The following GTF2H1 variants were observed in gnomAD, a reference collection of about 807,000 sequenced individuals.
GTF2H1 encodes the protein general transcription factor IIH subunit 1.
In GTF2H1, 16 loss-of-function variants were observed where a neutral mutation model predicts 71.2. That is an observed-to-expected ratio of 0.22 (90% CI 0.15 to 0.34). GTF2H1 has a LOEUF of 0.34. Ranked by LOEUF, GTF2H1 falls within the 10% of genes least tolerant of loss-of-function variation. The pLI is 1.00. For synonymous variants in GTF2H1, 215 were observed against 219.0 expected (o/e 0.98, Z 0.16); for missense variants, 498 against 648.2 (o/e 0.77, Z 2.52).
chr11:18,324,486 G>A (rs146076303), intron 1 of GTF2H1, among the ~76,000 whole-genome samples: 55 of 152,326 alleles, frequency 3.6e-4, no homozygotes, highest in African/African-American at 1.2e-3. Flanking sequence ...CTTCCTGTGT[G>A]TACTGCCCTC....
In GTF2H1 at chr11:18,360,718, A is replaced by G; in HGVS notation, c.1560+11A>G. 7.0e-7 allele frequency: 1 copy of G among 1,431,186 alleles called. No individual in the cohort carries two copies. Among genetic ancestry groups the G allele is most frequent in the African/African-American group, 1.5e-5 (1 of 68,778 alleles). 88.7% of individuals were successfully genotyped at this position (1,431,186 alleles called of 1,614,324 possible). A position where few individuals can be genotyped will look rare whatever the true frequency, so the allele number is the denominator to read the frequency against. ...TATTTAAGCACAAATGTAAGGCAGCAATCTGATTTTTGCCTGATCTTCTTT... is the reference window on the plus strand; with the variant it reads ...TATTTAAGCACAAATGTAAGGCAGCGATCTGATTTTTGCCTGATCTTCTTT... On this transcript the variant is annotated intron_variant, in intron 14 of 14. Transcript: ENST00000265963.
In GTF2H1 at chr11:18,347,635, A is replaced by T; in HGVS notation, c.885A>T (p.Ile295=). The change falls in exon 8 of 15, where the codon ATA becomes ATT. Residue 295 remains isoleucine (I), a synonymous_variant. Transcript: ENST00000265963. ...CATCTGCTTCCAATTCTAAATCCAT[A>T]AAAGAGAATAGTAATGCTGCCATCA... ...SVPSASNSKS[I]KENSNAAIIK... 6.2e-7 allele frequency: 1 copy of T among 1,610,958 alleles called. No homozygotes were observed. The highest frequency in any genetic ancestry group is 8.5e-7 in the Non-Finnish European group (1 of 1,177,094).
rs1411431678 is a variant in GTF2H1, at chr11:18,351,939, C to A, written c.1112C>A (p.Thr371Lys). The change falls in exon 10 of 15, where the codon ACG becomes AAG. Residue 371 changes from threonine to lysine, a missense_variant. By Grantham distance (78) the Thr-to-Lys change is moderately conservative. Coordinates refer to ENST00000265963, the MANE Select transcript of GTF2H1 (RefSeq NM_005316.4). The stretch of plus-strand genomic sequence containing the variant: ...TTGGGGAAAAATAATTCTGTAAAAA[C>A]GATTGCACTAAACCTCAAGAAGTCA... Reference protein sequence around the residue: ...EDLGKNNSVKTIALNLKKSDR... With the variant: ...EDLGKNNSVKKIALNLKKSDR... The A allele has an allele frequency of 1.3e-6, 2 of 1,597,256 alleles. No homozygotes were observed. The highest frequency in any genetic ancestry group is 1.1e-5 in the South Asian group (1 of 90,750).
At chr11:18,352,301 T>A in intron 10 of GTF2H1, 28 bp from the exon 11 acceptor site, 1 of 950,192 alleles carries the variant, frequency 1.1e-6, no homozygotes. Context: ...TGTGTGTGAT[T>A]AGTAATTTCT....
At chr11:18,344,631 A>G (rs1208362693) in intron 7 of GTF2H1, among the ~76,000 whole-genome samples, 1 of 151,916 alleles carries the variant, frequency 6.6e-6, no homozygotes, top group Admixed American at 6.6e-5. Context: ...AAAAAAAAAA[A>G]AAAAAGGATT....
chr11:18,360,673 A>G lies in GTF2H1; in HGVS notation c.1526A>G (p.Gln509Arg). ...CAAGTTACGAAGCTCTGTCCATTCC[A>G]AGAAAAGATTCGGAGACAGTATTTA... ...RFQVTKLCPF[Q>R]EKIRRQYLST... is the part of the protein sequence containing the mutation. Residue 509 changes from glutamine to arginine, a missense_variant, in exon 14 of 15, where the codon CAA becomes CGA. This residue lies in a region of GTF2H1 where 266 missense variants were observed against 301.6 expected (regional missense o/e 0.88). Coordinates refer to ENST00000265963, the MANE Select transcript of GTF2H1 (RefSeq NM_005316.4). 2.5e-6 allele frequency: 4 copies of G among 1,574,280 alleles called. No homozygotes were observed. The highest frequency in any genetic ancestry group is 3.4e-6 in the Non-Finnish European group (4 of 1,164,030).
intron 14 of GTF2H1, among the ~76,000 whole-genome samples, chr11:18,364,911 G>GCA (rs1396204453): frequency 6.6e-6 from 1 of 152,022 alleles, no homozygotes; most frequent in Non-Finnish European, 1.5e-5. Context: ...AGGAGAATAA[G>GCA]GCATTTTTCC....
intron 2 of GTF2H1, among the ~76,000 whole-genome samples, chr11:18,335,168 T>C (rs1864994636): frequency 6.6e-6 from 1 of 152,240 alleles, no homozygotes; most frequent in Non-Finnish European, 1.5e-5. Flanking sequence ...TTAAACATTT[T>C]GTGCAAGAGT....
chr11:18,350,266 T>C (rs1006663684), intron 9 of GTF2H1, among the ~76,000 whole-genome samples: 1 of 152,198 alleles, frequency 6.6e-6, no homozygotes, highest in Non-Finnish European at 1.5e-5. Context: ...TCAGGTGACC[T>C]AACAAGGCCT....
At chr11:18,338,371 T>C in intron 4 of GTF2H1, 97 bp downstream of exon 4, 1 of 737,502 alleles carries the variant, frequency 1.4e-6, no homozygotes, top group South Asian at 1.7e-5. Flanking sequence ...AGCATTTCCT[T>C]AAAGGAAAGT....
chr11:18,344,512 A>C (rs1865238109), intron 7 of GTF2H1, among the ~76,000 whole-genome samples: 1 of 150,958 alleles, frequency 6.6e-6, no homozygotes, highest in South Asian at 2.1e-4. Flanking sequence ...CCAGCTACCC[A>C]GGAGGCTGAG....
chr11:18,335,214 TCACC>T (rs1347181522), intron 2 of GTF2H1, among the ~76,000 whole-genome samples: 1 of 152,228 alleles, frequency 6.6e-6, no homozygotes, highest in Non-Finnish European at 1.5e-5. Context: ...TCCTGTTCCA[TCACC>T]TCAGAAAGCA....
chr11:18,339,784 G>C (rs956661342), intron 5 of GTF2H1, 127 bp downstream of exon 5: 1 of 602,938 alleles, frequency 1.7e-6, no homozygotes. Context: ...TTTTTACCCA[G>C]TGCCTGACAT....
chr11:18,326,074 TAA>T (rs770528712), intron 1 of GTF2H1: 7 of 152,190 alleles, frequency 4.6e-5, no homozygotes, highest in Non-Finnish European at 8.8e-5. Flanking sequence ...CTTGAACAAT[TAA>T]GAGGTGCTAC....
chr11:18,328,964 G>A (rs956331836), intron 1 of GTF2H1, among the ~76,000 whole-genome samples: 2 of 152,152 alleles, frequency 1.3e-5, no homozygotes, highest in Non-Finnish European at 2.9e-5. Context: ...AAATAAGTCA[G>A]TTAAAAGGTG....
At chr11:18,354,687 C>T (rs1183687000) in intron 11 of GTF2H1, among the ~76,000 whole-genome samples, 3 of 152,228 alleles carry the variant, frequency 2.0e-5, no homozygotes, top group Admixed American at 2.0e-4. Flanking sequence ...ATCAGCCCTT[C>T]TATGTATATC....
At position 18,351,886 on chromosome 11, in the gene GTF2H1, A is replaced by G; in HGVS notation, c.1059A>G (p.Lys353=). 6.6e-7 allele frequency: 1 copy of G among 1,516,726 alleles called. No homozygotes were observed. Among genetic ancestry groups the G allele is most frequent in the Non-Finnish European group, 9.2e-7 (1 of 1,092,850 alleles). The allele number at this position is 1,516,726 out of a possible 1,614,324, so 94.0% of individuals were successfully genotyped here. A position where few individuals can be genotyped will look rare whatever the true frequency, so the allele number is the denominator to read the frequency against. Residue 353 remains lysine (K), a synonymous_variant, in exon 10 of 15, where the codon AAA becomes AAG. Coordinates refer to ENST00000265963, the MANE Select transcript of GTF2H1 (RefSeq NM_005316.4). The part of the protein sequence containing the change: ...DCFQPAVKRA[K]LQESIEYEDL... ...TACTGTGTTAATAATTATAGGCGAA[A>G]TTACAAGAGTCCATTGAATATGAAG...
chr11:18,352,849 A>C (rs1865458150), intron 11 of GTF2H1, among the ~76,000 whole-genome samples: 2 of 152,220 alleles, frequency 1.3e-5, no homozygotes, highest in African/African-American at 4.8e-5. Flanking sequence ...TTCTGCCTTC[A>C]ATAATACTTC....
intron 11 of GTF2H1, among the ~76,000 whole-genome samples, chr11:18,354,128 G>A (rs1243963820): frequency 6.6e-6 from 1 of 152,114 alleles, no homozygotes; most frequent in Non-Finnish European, 1.5e-5. Context: ...GCAATTTTTT[G>A]TAGAATGACC....
Sources: gnomAD v4.1 joint callset for allele counts (sites outside exome capture counted in the v4.1 genomes callset) on GRCh38, gnomAD v4.1.1 for gene constraint, gnomAD v4.1.1 regional missense constraint, MANE v1.5 for transcripts, NCBI Gene and HGNC (gene_info 2026-07-23, HGNC 2026-07-21) for gene names.